Variants in NUS1 observed in about 807,000 individuals in gnomAD.
NUS1 encodes the protein dehydrodolichyl diphosphate synthase complex subunit NUS1.
For synonymous variants in NUS1, 135 were observed against 155.2 expected (o/e 0.87, Z 0.97); for missense variants, 292 against 382.9 (o/e 0.76, Z 1.98).
At chr6:117,694,615 T>C (rs1316155777) in intron 3 of NUS1, among the ~76,000 whole-genome samples, 2 of 152,168 alleles carry the variant, frequency 1.3e-5, no homozygotes, top group Non-Finnish European at 1.5e-5. Context: ...CTTTCTATTA[T>C]GCTATACCAA....
intron 1 of NUS1, among the ~76,000 whole-genome samples, chr6:117,685,442 G>C (rs771804943): frequency 2.6e-5 from 4 of 151,416 alleles, no homozygotes; most frequent in African/African-American, 9.7e-5. Flanking sequence ...GCAGTGGTGC[G>C]ATCATAGTTA....
At position 117,710,179 on chromosome 6, in the gene NUS1, AT is replaced by A. The variant is rs1361334538; in HGVS notation, c.*3165del. On this transcript the variant is annotated 3_prime_UTR_variant, in exon 5 of 5. Transcript: ENST00000368494. ...ATGAGAAAATTTAAAGGTAAGAGTT[AT>A]GGTTTGTCTTATGCTGCATAGACTA... The A allele has an allele frequency of 6.6e-6, 1 of 152,170 alleles. No homozygotes were observed. The highest frequency in any genetic ancestry group is 1.5e-5 in the Non-Finnish European group (1 of 67,978). 9.4% of individuals were successfully genotyped at this position (152,170 alleles called of 1,614,324 possible). A position where few individuals can be genotyped will look rare whatever the true frequency, so the allele number is the denominator to read the frequency against.
At position 117,707,234 on chromosome 6, in the gene NUS1, T is replaced by C. The variant is rs1309194730; in HGVS notation, c.*219T>C. On this transcript the variant is annotated 3_prime_UTR_variant, in exon 5 of 5. Coordinates refer to ENST00000368494, the MANE Select transcript of NUS1 (RefSeq NM_138459.5). ...GTTTGTATGTATGGAAATAAACTTA[T>C]AAATGGGGACGTATTGGAGAAGGAA... 2 of 458,666 alleles carry C rather than the reference T, an allele frequency of 4.4e-6. No individual in the cohort carries two copies. The highest frequency in any genetic ancestry group is 8.1e-6 in the Non-Finnish European group (2 of 247,800). The allele number at this position is 458,666 out of a possible 1,614,324, so 28.4% of individuals were successfully genotyped here. A position where few individuals can be genotyped will look rare whatever the true frequency, so the allele number is the denominator to read the frequency against.
At position 117,709,587 on chromosome 6, in the gene NUS1, A is replaced by G. The variant is rs1179025953; in HGVS notation, c.*2572A>G. 1.3e-5 allele frequency: 2 copies of G among 150,920 alleles called. No individual in the cohort carries two copies. The highest frequency in any genetic ancestry group is 3.0e-5 in the Non-Finnish European group (2 of 67,580). The allele number at this position is 150,920 out of a possible 1,614,324, so 9.3% of individuals were successfully genotyped here. On this transcript the variant is annotated 3_prime_UTR_variant, in exon 5 of 5. Transcript: ENST00000368494. ...GCCAAATACACTGTGCATATCTGCA[A>G]TTTAATCTTTGAATGTATGTTACTG...
At chr6:117,692,385 T>G (rs1773235887) in intron 1 of NUS1, among the ~76,000 whole-genome samples, 1 of 152,054 alleles carries the variant, frequency 6.6e-6, no homozygotes, top group Non-Finnish European at 1.5e-5. Context: ...TAGTTTTACA[T>G]TAAATGTATG....
At chr6:117,693,261 C>A (rs867607117) in intron 2 of NUS1, 94 bp downstream of exon 2, 20 of 1,254,344 alleles carry the variant, frequency 1.6e-5, no homozygotes, top group Non-Finnish European at 2.1e-5. Flanking sequence ...TATTCATTCA[C>A]GTTGCTCTGT....
intron 1 of NUS1, among the ~76,000 whole-genome samples, chr6:117,688,521 C>A (rs931185880): frequency 6.6e-6 from 1 of 151,962 alleles, no homozygotes; most frequent in Non-Finnish European, 1.5e-5. Context: ...CCTACTACCC[C>A]TATACATTTA....
chr6:117,680,645 C>T (rs1239825448), intron 1 of NUS1, among the ~76,000 whole-genome samples: 1 of 152,214 alleles, frequency 6.6e-6, no homozygotes, highest in African/African-American at 2.4e-5. Flanking sequence ...GATACTTCTG[C>T]ACACTGAAGT....
chr6:117,707,073 C>T lies in NUS1; in HGVS notation c.*58C>T. On this transcript the variant is annotated 3_prime_UTR_variant, in exon 5 of 5. Transcript: ENST00000368494. ...TGTGGAGGAAAGGAACCAAGTGACT[C>T]TGATGTTTACAAAGCACCTATGAAA... The T allele has an allele frequency of 6.9e-7, 1 of 1,438,956 alleles. No homozygotes were observed. Among genetic ancestry groups the T allele is most frequent in the Non-Finnish European group, 9.8e-7 (1 of 1,023,600 alleles). The allele number at this position is 1,438,956 out of a possible 1,614,324, so 89.1% of individuals were successfully genotyped here. A position where few individuals can be genotyped will look rare whatever the true frequency, so the allele number is the denominator to read the frequency against.
At chr6:117,695,930 G>A (rs541175135) in intron 3 of NUS1, among the ~76,000 whole-genome samples, 19 of 152,034 alleles carry the variant, frequency 1.2e-4, no homozygotes, top group Admixed American at 1.1e-3. Flanking sequence ...GATATACCAC[G>A]TTTTGCTTAT....
chr6:117,694,532 T>C (rs1269144664), intron 3 of NUS1, among the ~76,000 whole-genome samples: 1 of 152,088 alleles, frequency 6.6e-6, no homozygotes, highest in Non-Finnish European at 1.5e-5. Context: ...TCCCTTAACT[T>C]TGAACTTAAT....
intron 1 of NUS1, among the ~76,000 whole-genome samples, chr6:117,688,521 C>G (rs931185880): frequency 6.6e-6 from 1 of 151,962 alleles, no homozygotes; most frequent in East Asian, 1.9e-4. Context: ...CCTACTACCC[C>G]TATACATTTA....
rs1180622687 is a variant in NUS1, at chr6:117,709,979, T to G, written c.*2964T>G. On this transcript the variant is annotated 3_prime_UTR_variant, in exon 5 of 5. Transcript: ENST00000368494. ...TTTACCAGGTTAAACATTTGGAATC[T>G]TATAATGTTACTTGCTTTTTGATAG... is the stretch of plus-strand genomic sequence containing the variant. 2 of 152,286 alleles carry G rather than the reference T, an allele frequency of 1.3e-5. No individual in the cohort carries two copies. Among genetic ancestry groups the G allele is most frequent in the Non-Finnish European group, 2.9e-5 (2 of 68,000 alleles). The allele number at this position is 152,286 out of a possible 1,614,324, so 9.4% of individuals were successfully genotyped here.
At position 117,710,115 on chromosome 6, in the gene NUS1, G is replaced by T. The variant is rs1265748438; in HGVS notation, c.*3100G>T. 6.6e-6 allele frequency: 1 copy of T among 152,090 alleles called. No individual in the cohort carries two copies. The highest frequency in any genetic ancestry group is 1.5e-5 in the Non-Finnish European group (1 of 67,972). The allele number at this position is 152,090 out of a possible 1,614,324, so 9.4% of individuals were successfully genotyped here. On this transcript the variant is annotated 3_prime_UTR_variant, in exon 5 of 5. Transcript: ENST00000368494. ...AAATTTCCAAATTAAAAACGTATATGTGTACTCTTTTAAAAAGGAATTTGA... is the reference window on the plus strand; with the variant it reads ...AAATTTCCAAATTAAAAACGTATATTTGTACTCTTTTAAAAAGGAATTTGA...
intron 1 of NUS1, among the ~76,000 whole-genome samples, chr6:117,680,869 A>G (rs1227958511): frequency 2.0e-5 from 3 of 152,044 alleles, no homozygotes; most frequent in East Asian, 1.9e-4. Flanking sequence ...TTCTAGTGCT[A>G]TTTCCTTAGT....
chr6:117,694,200 T>A lies in NUS1; in HGVS notation c.691+20T>A. 7.5e-7 allele frequency: 1 copy of A among 1,337,662 alleles called. No individual in the cohort carries two copies. Among genetic ancestry groups the A allele is most frequent in the Non-Finnish European group, 1.0e-6 (1 of 969,760 alleles). The allele number at this position is 1,337,662 out of a possible 1,614,324, so 82.9% of individuals were successfully genotyped here. On this transcript the variant is annotated intron_variant, in intron 3 of 4. Coordinates refer to ENST00000368494, the MANE Select transcript of NUS1 (RefSeq NM_138459.5). ...TACTTAGTAAGTTTTTTTATATATATATACATATATATGTATATGTATGTG... is the reference window on the plus strand; with the variant it reads ...TACTTAGTAAGTTTTTTTATATATAAATACATATATATGTATATGTATGTG...
chr6:117,678,301 A>G (rs1309262102), intron 1 of NUS1, among the ~76,000 whole-genome samples: 2 of 152,158 alleles, frequency 1.3e-5, no homozygotes, highest in East Asian at 1.9e-4. Flanking sequence ...GAGACCTTCA[A>G]TTAGTCCATT....
chr6:117,704,824 T>C (rs1367295995), intron 4 of NUS1, among the ~76,000 whole-genome samples: 4 of 152,174 alleles, frequency 2.6e-5, no homozygotes, highest in African/African-American at 9.7e-5. Context: ...GAAGGGAATA[T>C]TCATTTTTGA....
chr6:117,703,770 A>T (rs563401402), intron 4 of NUS1, 66 bp downstream of exon 4: 35 of 1,069,602 alleles, frequency 3.3e-5, no homozygotes, highest in Admixed American at 5.1e-5. Context: ...TCAGCACTGT[A>T]CTAGATCTGG....
Sources: gnomAD v4.1 joint callset for allele counts (sites outside exome capture counted in the v4.1 genomes callset) on GRCh38, gnomAD v4.1.1 for gene constraint, MANE v1.5 for transcripts, NCBI Gene and HGNC (gene_info 2026-07-23, HGNC 2026-07-21) for gene names.